DMD: variants seen among roughly 807,000 people sequenced by gnomAD.
DMD encodes the protein mutant dystrophin.
DMD carries 63 observed loss-of-function variants against 330.1 expected under a neutral mutation model. That is an observed-to-expected ratio of 0.19 (90% CI 0.16 to 0.24). The LOEUF is 0.24. DMD is among the 10% of genes least tolerant of loss of function. DMD has a pLI of 1.00. For synonymous variants in DMD, 1,223 were observed against 959.8 expected (o/e 1.27, Z -5.07); for missense variants, 3,344 against 2,684.1 (o/e 1.25, Z -5.43).
At chrX:31,814,176 T>C (rs1399592669) in intron 50 of DMD, among the ~76,000 whole-genome samples, 1 of 110,480 alleles carries the variant, frequency 9.1e-6, no homozygotes, top group Non-Finnish European at 1.9e-5. Flanking sequence ...ATTTTACCAG[T>C]GTTTAATCAA....
chrX:32,993,585 A>G (rs980071188), intron 2 of DMD, among the ~76,000 whole-genome samples: 1 of 109,388 alleles, frequency 9.1e-6, no homozygotes, highest in Non-Finnish European at 1.9e-5. Flanking sequence ...CCTGAGCAAC[A>G]GAGACTCCAT....
At chrX:33,104,508 C>T (rs1347898808) in intron 1 of DMD, among the ~76,000 whole-genome samples, 1 of 109,075 alleles carries the variant, frequency 9.2e-6, no homozygotes, top group East Asian at 2.9e-4. Flanking sequence ...CCACTGAGTA[C>T]CTTGTGACCC....
At chrX:32,346,179 A>T (rs2097763340) in intron 38 of DMD, 99 bp from the exon 39 acceptor site, 1 of 949,916 alleles carries the variant, frequency 1.1e-6, no homozygotes. Context: ...ACACACAAAA[A>T]TCCAATTTAA....
intron 12 of DMD, among the ~76,000 whole-genome samples, chrX:32,601,484 C>T (rs2056200494): frequency 9.0e-6 from 1 of 111,561 alleles, no homozygotes; most frequent in African/African-American, 3.3e-5. Context: ...GCTATACAAG[C>T]ACACTAAATG....
intron 44 of DMD, among the ~76,000 whole-genome samples, chrX:32,047,135 A>C (rs766298712): frequency 9.0e-6 from 1 of 111,542 alleles, no homozygotes; most frequent in Admixed American, 9.6e-5. Context: ...GCCAAAAAAC[A>C]TGAGAGTAAT....
intron 23 of DMD, among the ~76,000 whole-genome samples, chrX:32,465,334 C>G (rs1287652633): frequency 9.0e-6 from 1 of 111,336 alleles, no homozygotes; most frequent in Admixed American, 9.6e-5. Flanking sequence ...TTTGCCACTT[C>G]TAAAAAGTAT....
In DMD at chrX:31,283,117, A is replaced by G. The variant is rs181466373; in HGVS notation, c.9225-22101T>C. Reference sequence around the variant, plus strand: ...GCAAAATTCTTTAGTGAAAGAACTCAGAGAATTTGATTAGGTGCCTAAAAT... The same window carrying G: ...GCAAAATTCTTTAGTGAAAGAACTCGGAGAATTTGATTAGGTGCCTAAAAT... On this transcript the variant is annotated intron_variant, in intron 62 of 78. Transcript: ENST00000357033. Among the ~76,000 whole-genome samples, 31 of 111,814 alleles carry G rather than the reference A, an allele frequency of 2.8e-4. No homozygotes were observed. In the East Asian group the frequency reaches 6.4e-3, roughly 23 times the overall value.
At chrX:32,394,916 C>CAAAAAAAAAAAAAAAAAAAA (rs72234458) in intron 30 of DMD, among the ~76,000 whole-genome samples, 1 of 39,053 alleles carries the variant, frequency 2.6e-5, no homozygotes, top group African/African-American at 7.8e-5. Flanking sequence ...AACAAAAAAA[C>CAAAAAAAAAAAAAAAAAAAA]AAAAAAAAAA....
At chrX:32,558,790 C>G (rs980911145) in intron 16 of DMD, among the ~76,000 whole-genome samples, 12 of 110,980 alleles carry the variant, frequency 1.1e-4, no homozygotes, top group African/African-American at 3.9e-4. Flanking sequence ...TTAGTGCTTA[C>G]ATTTTATATT....
intron 51 of DMD, among the ~76,000 whole-genome samples, chrX:31,731,925 AC>A (rs1460523113): frequency 1.8e-5 from 2 of 111,517 alleles, no homozygotes. Flanking sequence ...TCTAAATTAA[AC>A]CTGACCACAA....
intron 44 of DMD, among the ~76,000 whole-genome samples, chrX:32,104,147 C>A (rs2096553316): frequency 9.0e-6 from 1 of 111,297 alleles, no homozygotes; most frequent in Non-Finnish European, 1.9e-5. Context: ...TCTCCTTGGG[C>A]TACTGCAACT....
chrX:32,726,239 C>T (rs998812177), intron 7 of DMD, among the ~76,000 whole-genome samples: 11 of 110,960 alleles, frequency 9.9e-5, no homozygotes, highest in East Asian at 2.8e-4. Context: ...ATTATTAGTT[C>T]GATAGATAAG....
intron 45 of DMD, among the ~76,000 whole-genome samples, chrX:31,954,800 T>C (rs1341152534): frequency 9.1e-6 from 1 of 110,084 alleles, no homozygotes; most frequent in Non-Finnish European, 1.9e-5. Context: ...CACTGAACTG[T>C]ATACTTAAAA....
chrX:33,142,799 G>C (rs144885624), intron 1 of DMD, among the ~76,000 whole-genome samples: 3,653 of 112,137 alleles, frequency 0.033, 156 homozygotes, highest in African/African-American at 0.11. Flanking sequence ...AAAATTTATG[G>C]TACTAATTTA....
chrX:33,182,036 C>T (rs899159824), intron 1 of DMD, among the ~76,000 whole-genome samples: 3 of 111,893 alleles, frequency 2.7e-5, no homozygotes, highest in Non-Finnish European at 5.6e-5. Context: ...TACTTATCCT[C>T]TATTTACAGC....
chrX:32,688,545 T>A (rs1271184052), intron 9 of DMD, among the ~76,000 whole-genome samples: 5 of 112,222 alleles, frequency 4.5e-5, no homozygotes, highest in African/African-American at 1.6e-4. Flanking sequence ...AGAAGGTGAA[T>A]GGAGTCTTTC....
At chrX:31,138,149 T>C (rs991775730) in intron 76 of DMD, among the ~76,000 whole-genome samples, 3 of 111,538 alleles carry the variant, frequency 2.7e-5, no homozygotes, top group Non-Finnish European at 5.6e-5. Flanking sequence ...CCCGCTTGTG[T>C]TTATGTGCAC....
intron 41 of DMD, among the ~76,000 whole-genome samples, chrX:32,330,478 T>C (rs2097673706): frequency 8.9e-6 from 1 of 112,034 alleles, no homozygotes; most frequent in Non-Finnish European, 1.9e-5. Context: ...CCAGTTGTTC[T>C]GGACATGCTC....
At chrX:33,239,316 C>G in intron 1 of DMD, among the ~76,000 whole-genome samples, 1 of 101,732 alleles carries the variant, frequency 9.8e-6, no homozygotes, top group African/African-American at 3.7e-5. Context: ...GAATGTCAGG[C>G]ACATTCCAAA....
Sources: gnomAD v4.1 joint callset for allele counts (sites outside exome capture counted in the v4.1 genomes callset) on GRCh38, gnomAD v4.1.1 for gene constraint, MANE v1.5 for transcripts, NCBI Gene and HGNC (gene_info 2026-07-23, HGNC 2026-07-21) for gene names.